The following FER variants were observed in gnomAD, a reference collection of about 807,000 sequenced individuals.
FER encodes FER tyrosine kinase.
A neutral mutation model predicts 111.0 loss-of-function variants in FER; 63 were observed. That is an observed-to-expected ratio of 0.57 (90% CI 0.46 to 0.70). The LOEUF (loss-of-function observed/expected upper bound fraction) is 0.70, where lower values mean the gene tolerates loss of function less well. Ranked by LOEUF, FER falls within the 30% of genes least tolerant of loss-of-function variation. The probability of loss-of-function intolerance (pLI) is 0.00; values close to 1 mark genes in which losing one functional copy is unlikely to be tolerated. For missense variants in FER, 914 were observed against 954.0 expected, an observed-to-expected ratio of 0.96 and a Z score of 0.55; for synonymous variants, 327 against 313.9, an observed-to-expected ratio of 1.04 and a Z score of -0.44.
intron 10 of FER, among the ~76,000 whole-genome samples, chr5:108,918,590 C>A (rs1370857395): frequency 1.3e-5 from 2 of 151,542 alleles, no homozygotes; most frequent in African/African-American, 4.8e-5. Flanking sequence ...GGGTTCACAC[C>A]ATTCTCCTGC....
intron 5 of FER, among the ~76,000 whole-genome samples, chr5:108,844,994 GTGTATATATATATATATA>G (rs1401449104): frequency 2.9e-3 from 122 of 42,626 alleles, no homozygotes; most frequent in Non-Finnish European, 3.6e-3. Flanking sequence ...GTGTGTGTGT[GTGTATATATATATATATA>G]TATATATATA....
intron 5 of FER, among the ~76,000 whole-genome samples, chr5:108,867,264 T>C (rs1764158891): frequency 1.3e-5 from 2 of 152,020 alleles, no homozygotes; most frequent in South Asian, 4.2e-4. Context: ...AAAAGGAAGG[T>C]GAGAGGAAGG....
chr5:108,855,012 G>C (rs1762866335), intron 5 of FER, among the ~76,000 whole-genome samples: 1 of 149,606 alleles, frequency 6.7e-6, no homozygotes, highest in Non-Finnish European at 1.5e-5. Flanking sequence ...TAGTTTGTGA[G>C]AGAAAGAAGA....
chr5:108,997,241 T>A (rs1402145769), intron 13 of FER, among the ~76,000 whole-genome samples: 5 of 133,262 alleles, frequency 3.8e-5, no homozygotes, highest in Non-Finnish European at 3.2e-5. Context: ...CCGTCTCTAC[T>A]AAAAAAAAAA....
intron 5 of FER, among the ~76,000 whole-genome samples, chr5:108,845,586 CT>C (rs149821851): frequency 0.042 from 6,414 of 151,904 alleles, 158 homozygotes; most frequent in Middle Eastern, 0.068. Flanking sequence ...ATCTAGGTGA[CT>C]TTTTTTTCTC....
At chr5:108,925,809 A>G (rs72793908) in intron 10 of FER, among the ~76,000 whole-genome samples, 1,797 of 152,170 alleles carry the variant, frequency 0.012, 17 homozygotes, top group Non-Finnish European at 0.017. Flanking sequence ...TATAATGACC[A>G]TTACTTGTGT....
At chr5:108,836,470 A>T (rs74985198) in intron 5 of FER, among the ~76,000 whole-genome samples, 8,480 of 152,180 alleles carry the variant, frequency 0.056, 337 homozygotes, top group Non-Finnish European at 0.081. Flanking sequence ...CCTTATGTTT[A>T]AATGTGCCTA....
chr5:109,163,183 T>C (rs549137905), intron 17 of FER, among the ~76,000 whole-genome samples: 15 of 152,304 alleles, frequency 9.8e-5, no homozygotes, highest in African/African-American at 3.4e-4. Flanking sequence ...TTGTAACTTA[T>C]AATGCTTTTC....
rs369971185 is a variant in FER, at chr5:108,832,947, C to A, written c.381+4C>A. On this transcript the variant is annotated splice_donor_region_variant and intron_variant, in intron 4 of 19. Coordinates refer to ENST00000281092, the MANE Select transcript of FER (RefSeq NM_005246.4). ...GATAGAGGCAGAGATGATCAAGGTT[C>A]GTTTTTCCATATTGAAGTTCTTTCT... 10 of 1,543,894 alleles carry A rather than the reference C, an allele frequency of 6.5e-6. No homozygotes were observed. In the African/African-American group the frequency reaches 1.4e-4, roughly 22 times the overall value.
chr5:108,975,406 TTAAAA>T (rs1030283050), intron 13 of FER, among the ~76,000 whole-genome samples: 5 of 151,948 alleles, frequency 3.3e-5, no homozygotes, highest in Admixed American at 2.0e-4. Context: ...ATCCCAGAAC[TTAAAA>T]TAAAATAAAA....
chr5:109,041,488 A>G (rs1771175891), intron 14 of FER, among the ~76,000 whole-genome samples: 1 of 152,148 alleles, frequency 6.6e-6, no homozygotes, highest in Admixed American at 6.5e-5. Context: ...AGCTAGAAAG[A>G]TAGAAGCCAA....
chr5:109,157,402 C>T (rs1407461608), intron 17 of FER, among the ~76,000 whole-genome samples: 1 of 152,096 alleles, frequency 6.6e-6, no homozygotes, highest in Non-Finnish European at 1.5e-5. Flanking sequence ...ACTCCCTTTG[C>T]TCTGTCATGC....
intron 8 of FER, among the ~76,000 whole-genome samples, chr5:108,873,473 A>G (rs1414720051): frequency 1.3e-5 from 2 of 152,182 alleles, no homozygotes; most frequent in South Asian, 2.1e-4. Flanking sequence ...AGCTGGCTAG[A>G]TAGGATTGAA....
chr5:109,068,046 T>C (rs2149985592), intron 16 of FER, among the ~76,000 whole-genome samples: 1 of 152,318 alleles, frequency 6.6e-6, no homozygotes, highest in East Asian at 1.9e-4. Flanking sequence ...GATACCTCTA[T>C]ATAATTTCCC....
At chr5:108,887,891 G>A (rs1298365788) in intron 9 of FER, among the ~76,000 whole-genome samples, 4 of 151,780 alleles carry the variant, frequency 2.6e-5, no homozygotes, top group South Asian at 2.1e-4. Context: ...TGATGTTACT[G>A]TTGGTTTGAA....
chr5:108,784,856 TG>T (rs774405118), intron 2 of FER, among the ~76,000 whole-genome samples: 1 of 152,166 alleles, frequency 6.6e-6, no homozygotes, highest in Non-Finnish European at 1.5e-5. Flanking sequence ...TCGCCCTGGG[TG>T]GGCCAGGTGT....
In FER at chr5:108,749,197, T is replaced by C. The variant is rs956912608; in HGVS notation, c.-206+1197T>C. Among the ~76,000 whole-genome samples, 37 of 152,094 alleles carry C rather than the reference T, an allele frequency of 2.4e-4. 1 individual carries two copies. The highest frequency in any genetic ancestry group is 9.8e-4 in the Admixed American group (15 of 15,290). On this transcript the variant is annotated intron_variant, in intron 1 of 19. Transcript: ENST00000281092. ...CAGCGCCCCCCCCAACCCCCGTCCC[T>C]GGCTGCAGGGTCATCCGCTCATCCT...
At chr5:109,067,273 C>T (rs900898545) in intron 16 of FER, among the ~76,000 whole-genome samples, 11 of 134,062 alleles carry the variant, frequency 8.2e-5, no homozygotes, top group African/African-American at 8.5e-5. Flanking sequence ...GCTGTTGCTG[C>T]TGCTGCTGCT....
At chr5:109,070,656 A>G (rs1775664059) in intron 16 of FER, among the ~76,000 whole-genome samples, 1 of 152,054 alleles carries the variant, frequency 6.6e-6, no homozygotes, top group African/African-American at 2.4e-5. Flanking sequence ...GGCTCTAGTC[A>G]GTATGATTTA....
Sources: gnomAD v4.1 joint callset for allele counts (sites outside exome capture counted in the v4.1 genomes callset) on GRCh38, gnomAD v4.1.1 for gene constraint, MANE v1.5 for transcripts, NCBI Gene and HGNC (gene_info 2026-07-23, HGNC 2026-07-21) for gene names.